The following ADAM12 variants were observed in gnomAD, a reference collection of about 807,000 sequenced individuals.
ADAM12 encodes the protein disintegrin and metalloproteinase domain-containing protein 12.
ADAM12 carries 70 observed loss-of-function variants against 106.4 expected under a neutral mutation model. The observed-to-expected ratio is 0.66, with a 90% confidence interval of 0.54 to 0.80. ADAM12 has a LOEUF of 0.80. Among genes scored for constraint, ADAM12 ranks in the 30% least tolerant of loss-of-function variants. The pLI is 0.00. For synonymous variants in ADAM12, 420 were observed against 433.5 expected, an observed-to-expected ratio of 0.97 and a Z score of 0.39; for missense variants, 1,010 against 1,171.9, an observed-to-expected ratio of 0.86 and a Z score of 2.02.
rs140423084 is a variant in ADAM12 at position 126,214,736 on chromosome 10, C to T, written c.261-59431G>A. ...GAGCAAACGTTTTTGAGAAGAGTAT[C>T]TATGATGTTCATTATGACTCAGCTT... is the stretch of plus-strand genomic sequence containing the variant. On this transcript the variant is annotated intron_variant, in intron 3 of 22. Coordinates refer to ENST00000448723, the MANE Select transcript of ADAM12 (RefSeq NM_001288973.2). 2.7e-3 allele frequency among the ~76,000 whole-genome samples: 408 copies of T among 152,348 alleles called. 4 individuals are homozygous for T. Among genetic ancestry groups the T allele is most frequent in the African/African-American group, 9.3e-3 (388 of 41,580 alleles).
rs1954061327 is a variant in ADAM12 at position 126,036,396 on chromosome 10, C to T, written c.2350-71G>A. On this transcript the variant is annotated intron_variant, in intron 20 of 22. Coordinates refer to ENST00000448723, the MANE Select transcript of ADAM12 (RefSeq NM_001288973.2). ...TATCAGTAACTCCTTAAGGAAAAAG[C>T]AGTGCTAACTCATCTGTTATAGCTG... The T allele has an allele frequency of 3.1e-5, 47 of 1,492,432 alleles. 1 individual carries two copies. The Middle Eastern group carries it at 8.9e-4, about 28-fold the overall frequency. The allele number at this position is 1,492,432 out of a possible 1,614,324, so 92.4% of individuals were successfully genotyped here.
At chr10:126,189,972 T>A (rs1175333923) in intron 3 of ADAM12, among the ~76,000 whole-genome samples, 1 of 152,098 alleles carries the variant, frequency 6.6e-6, no homozygotes, top group Non-Finnish European at 1.5e-5. Flanking sequence ...GACGTTTGTC[T>A]CTTTTCAGAA....
intron 3 of ADAM12, among the ~76,000 whole-genome samples, chr10:126,201,108 C>T (rs180671796): frequency 1.1e-4 from 17 of 152,168 alleles, no homozygotes; most frequent in South Asian, 6.2e-4. Context: ...TATTGAACAA[C>T]GGAGTGAGAA....
intron 3 of ADAM12, among the ~76,000 whole-genome samples, chr10:126,158,151 T>C (rs12784862): frequency 0.63 from 95,815 of 151,688 alleles, 31,501 homozygotes; most frequent in East Asian, 0.77. Context: ...GGGACATGGG[T>C]GAAGCTGCAG....
At chr10:126,035,316 C>G (rs1422393222) in intron 21 of ADAM12, among the ~76,000 whole-genome samples, 3 of 152,040 alleles carry the variant, frequency 2.0e-5, no homozygotes, top group African/African-American at 4.8e-5. Flanking sequence ...CAAGATTTAC[C>G]TCTCTAGAAC....
At chr10:126,341,527 T>G (rs1854932421) in intron 1 of ADAM12, among the ~76,000 whole-genome samples, 1 of 152,236 alleles carries the variant, frequency 6.6e-6, no homozygotes, top group African/African-American at 2.4e-5. Flanking sequence ...TGAGCCTTAT[T>G]TATAAGCCAG....
At chr10:126,314,021 G>A (rs1026811140) in intron 2 of ADAM12, among the ~76,000 whole-genome samples, 6 of 151,852 alleles carry the variant, frequency 4.0e-5, no homozygotes, top group Non-Finnish European at 8.8e-5. Context: ...AGGCACTCAC[G>A]GATGGAGGTC....
chr10:126,330,274 A>G (rs1430152860), intron 2 of ADAM12, 138 bp downstream of exon 2: 20 of 746,150 alleles, frequency 2.7e-5, no homozygotes, highest in Admixed American at 6.0e-5. Context: ...TTGGCTTAAG[A>G]ATAAAGCTTC....
chr10:126,278,713 A>G (rs1417356219), intron 3 of ADAM12, among the ~76,000 whole-genome samples: 2 of 152,224 alleles, frequency 1.3e-5, no homozygotes, highest in Non-Finnish European at 2.9e-5. Flanking sequence ...TGAGTTATAA[A>G]GTTCCTTAAT....
At chr10:126,058,256 C>T (rs1017723) in intron 14 of ADAM12, among the ~76,000 whole-genome samples, 55,295 of 152,142 alleles carry the variant, frequency 0.36, 11,173 homozygotes, top group East Asian at 0.51. Context: ...CTCGGGCCAG[C>T]GCATAGCAGA....
intron 3 of ADAM12, among the ~76,000 whole-genome samples, chr10:126,247,937 G>A (rs72826389): frequency 0.02 from 3,059 of 152,284 alleles, 45 homozygotes; most frequent in Middle Eastern, 0.041. Context: ...TTTGAATTTC[G>A]TAATTTCTTC....
At chr10:126,029,189 A>G (rs1953931567) in intron 21 of ADAM12, among the ~76,000 whole-genome samples, 1 of 152,198 alleles carries the variant, frequency 6.6e-6, no homozygotes, top group Non-Finnish European at 1.5e-5. Context: ...CAGTGTGATG[A>G]TTCCTCAAAG....
At chr10:126,380,087 T>TGG (rs1439764663) in intron 1 of ADAM12, among the ~76,000 whole-genome samples, 2 of 152,142 alleles carry the variant, frequency 1.3e-5, no homozygotes, top group Non-Finnish European at 2.9e-5. Context: ...AGCCTTGGAA[T>TGG]GACATAAAAG....
Position 126,330,421 on chromosome 10 carries a change from G to C in ADAM12, c.177C>G (p.Phe59Leu). 1 of 1,612,664 alleles carries C rather than the reference G, an allele frequency of 6.2e-7. No homozygotes were observed. Among genetic ancestry groups the C allele is most frequent in the Non-Finnish European group, 8.5e-7 (1 of 1,179,652 alleles). ...SGDLWIPVKSFDSKNHPEVLN... is the reference protein window; with the variant it reads ...SGDLWIPVKSLDSKNHPEVLN... ...AAGGAGAGGAACTCACCTTGGAGTC[G>C]AAGCTCTTCACTGGGATCCAGAGGT... The change falls in exon 2 of 23, where the codon TTC becomes TTG. Residue 59 changes from phenylalanine to leucine, a missense_variant. Physicochemically the swap from Phe to Leu is conservative, Grantham distance 22. This residue lies in a region of ADAM12 where 391 missense variants were observed against 442.9 expected (regional missense o/e 0.88). Coordinates refer to ENST00000448723, the MANE Select transcript of ADAM12 (RefSeq NM_001288973.2).
At chr10:126,314,947 G>A (rs1051766804) in intron 2 of ADAM12, among the ~76,000 whole-genome samples, 1 of 152,158 alleles carries the variant, frequency 6.6e-6, no homozygotes, top group African/African-American at 2.4e-5. Flanking sequence ...GCCCCAGTTT[G>A]TACAGAAGCT....
rs750752337 is a variant in ADAM12, at chr10:126,049,298, C to T, written c.1872G>A (p.Pro624=). ...GTHVYLGDDM[P]DPGLVLAGTK... ...TGCCTGCAAGCACAAGCCCTGGGTC[C>T]GGCATGTCATCGCCCAAGTACACGT... The change falls in exon 16 of 23, where the codon CCG becomes CCA. Residue 624 remains proline, a synonymous_variant. Transcript: ENST00000448723. The surrounding 1 kb of genome is among the most constrained non-coding windows in gnomAD (Gnocchi z 4.4). 4.0e-5 allele frequency: 65 copies of T among 1,614,090 alleles called. No homozygotes were observed. In the Admixed American group the frequency reaches 5.8e-4, roughly 14 times the overall value.
At chr10:126,312,179 T>C (rs1441366843) in intron 2 of ADAM12, among the ~76,000 whole-genome samples, 2 of 148,484 alleles carry the variant, frequency 1.3e-5, no homozygotes, top group African/African-American at 2.5e-5. Context: ...AGAAGTGAAG[T>C]ATAAGCGTCA....
chr10:126,211,149 G>C (rs572048972), intron 3 of ADAM12, among the ~76,000 whole-genome samples: 5 of 152,142 alleles, frequency 3.3e-5, no homozygotes, highest in African/African-American at 1.2e-4. Context: ...GGTGTGCACA[G>C]GGGTGGCTGG....
At chr10:126,046,780 C>T (rs1016094057) in intron 16 of ADAM12, among the ~76,000 whole-genome samples, 2 of 118,060 alleles carry the variant, frequency 1.7e-5, no homozygotes, top group East Asian at 2.6e-4. Flanking sequence ...TCCAGTCTGG[C>T]GACAGAGAGA....
Sources: gnomAD v4.1 joint callset for allele counts (sites outside exome capture counted in the v4.1 genomes callset) on GRCh38, gnomAD v4.1.1 for gene constraint, gnomAD v4.1.1 regional missense constraint, Gnocchi (gnomAD v3.1) non-coding constraint, MANE v1.5 for transcripts, NCBI Gene and HGNC (gene_info 2026-07-23, HGNC 2026-07-21) for gene names.